The following CILK1 variants were observed in gnomAD, a reference collection of about 807,000 sequenced individuals.
CILK1 encodes ciliogenesis associated kinase 1.
CILK1 carries 47 observed loss-of-function variants against 79.2 expected under a neutral mutation model. The observed-to-expected ratio is 0.59, with a 90% CI of 0.47 to 0.76. CILK1 has a LOEUF of 0.76. CILK1 is among the 30% of genes least tolerant of loss of function. CILK1 has a pLI of 0.00. For missense variants in CILK1, 660 were observed against 769.5 expected, an observed-to-expected ratio of 0.86 and a Z score of 1.68; for synonymous variants, 266 against 275.9, an observed-to-expected ratio of 0.96 and a Z score of 0.36.
intron 12 of CILK1, among the ~76,000 whole-genome samples, chr6:53,008,841 A>C (rs781457138): frequency 4.6e-5 from 7 of 152,188 alleles, no homozygotes; most frequent in Non-Finnish European, 1.0e-4. Flanking sequence ...AAGGCAGTGC[A>C]CTTGGCAGTG....
Position 53,028,423 on chromosome 6 carries a change from T to C in CILK1, c.358+2642A>G, listed in dbSNP as rs939588998. ...TCAAGCATGGCAAACAGGCATAGGC[T>C]ATCTGAACTAATCTCCACTCAACCA... On this transcript the variant is annotated intron_variant, in intron 5 of 13. Coordinates refer to ENST00000676107, the MANE Select transcript of CILK1 (RefSeq NM_014920.5). Among the ~76,000 whole-genome samples the C allele has an allele frequency of 4.6e-5, 7 of 152,354 alleles. No individual in the cohort carries two copies. In the South Asian group the frequency reaches 6.2e-4, roughly 14 times the overall value.
At chr6:53,006,164 G>C (rs1427422034) in intron 13 of CILK1, 151 bp downstream of exon 13, 1 of 668,256 alleles carries the variant, frequency 1.5e-6, no homozygotes, top group Non-Finnish European at 2.6e-6. Flanking sequence ...CTTACTATAT[G>C]TTATATAGCA....
chr6:53,031,089 C>T lies in CILK1; in HGVS notation c.334G>A (p.Gly112Arg). Residue 112 changes from glycine to arginine, a missense_variant, in exon 5 of 14, where the codon GGA becomes AGA. Coordinates refer to ENST00000676107, the MANE Select transcript of CILK1 (RefSeq NM_014920.5). ...IRNIMYQILQ[G>R]LAFIHKHGFF... ...CCGTGTTTGTGAATAAATGCGAGTC[C>T]TTGTAATATCTGATACATGATATTC... 1.2e-6 allele frequency: 2 copies of T among 1,609,436 alleles called. No individual in the cohort carries two copies. Among genetic ancestry groups the T allele is most frequent in the Non-Finnish European group, 1.7e-6 (2 of 1,175,984 alleles).
chr6:53,054,880 C>A (rs1581774415), intron 1 of CILK1, among the ~76,000 whole-genome samples: 1 of 152,334 alleles, frequency 6.6e-6, no homozygotes, highest in African/African-American at 2.4e-5. Flanking sequence ...TCATGGCCAG[C>A]AGCTCACATC....
chr6:53,041,179 G>C lies in CILK1; in HGVS notation c.58C>G (p.Leu20Val). The C allele has an allele frequency of 1.9e-6, 3 of 1,613,910 alleles. No individual in the cohort carries two copies. The highest frequency in any genetic ancestry group is 2.5e-6 in the Non-Finnish European group (3 of 1,179,830). The change falls in exon 2 of 14, where the codon CTG becomes GTG. Residue 20 changes from leucine (L) to valine (V), a missense_variant. By Grantham distance (32) the Leu-to-Val change is conservative. Coordinates refer to ENST00000676107, the MANE Select transcript of CILK1 (RefSeq NM_014920.5). The part of the protein sequence containing the change: ...LGDGTYGSVL[L>V]GRSIESGELI... ...TCCCCAGACTCAATGCTTCTTCCCA[G>C]CAGGACGGAACCGTAGGTTCCATCC...
intron 11 of CILK1, 118 bp from the exon 12 acceptor site, chr6:53,009,685 A>C: frequency 4.5e-6 from 4 of 879,480 alleles, no homozygotes; most frequent in Non-Finnish European, 7.1e-6. Flanking sequence ...TACAATAATC[A>C]AAGCAAAAAC....
At chr6:53,053,869 C>T (rs991100417) in intron 1 of CILK1, among the ~76,000 whole-genome samples, 2 of 152,114 alleles carry the variant, frequency 1.3e-5, no homozygotes, top group Non-Finnish European at 2.9e-5. Context: ...TGCCTCGGGG[C>T]ATCTCTTGGT....
chr6:53,032,074 C>T (rs998080928), intron 4 of CILK1, among the ~76,000 whole-genome samples: 39 of 152,172 alleles, frequency 2.6e-4, no homozygotes, highest in African/African-American at 4.8e-4. Context: ...CTCAGGTGAT[C>T]GCCCGCCTTG....
At chr6:53,058,922 TAA>T (rs796842411) in intron 1 of CILK1, among the ~76,000 whole-genome samples, 1 of 142,088 alleles carries the variant, frequency 7.0e-6, no homozygotes, top group African/African-American at 2.6e-5. Flanking sequence ...AGGAGCAGTA[TAA>T]AAAAAAAAAA....
At position 53,013,920 on chromosome 6, in the gene CILK1, C is replaced by T. The variant is rs1764743555; in HGVS notation, c.894G>A (p.Gln298=). Residue 298 remains glutamine, a synonymous_variant, in exon 9 of 14, where the codon CAG becomes CAA. Transcript: ENST00000676107. Reference sequence around the variant, plus strand: ...TGCCTTTCTGTGGTTTTTCTGAATCCTGAAGGTTTTGTGTGGTGCTGCCTA... The same window carrying T: ...TGCCTTTCTGTGGTTTTTCTGAATCTTGAAGGTTTTGTGTGGTGCTGCCTA... The part of the protein sequence containing the change: ...HPLGSTTQNL[Q]DSEKPQKGIL... 1 of 1,613,908 alleles carries T rather than the reference C, an allele frequency of 6.2e-7. No individual in the cohort carries two copies. The highest frequency in any genetic ancestry group is 1.3e-5 in the African/African-American group (1 of 74,882).
At chr6:53,045,775 T>C (rs186552690) in intron 1 of CILK1, among the ~76,000 whole-genome samples, 81 of 135,300 alleles carry the variant, frequency 6.0e-4, no homozygotes, top group Admixed American at 3.6e-3. Flanking sequence ...CAAACCATCG[T>C]TGTATGTCAT....
In CILK1 at chr6:53,013,801, T is replaced by C. The variant is rs1472462652; in HGVS notation, c.1013A>G (p.His338Arg). The change falls in exon 9 of 14, where the codon CAT (histidine) becomes CGT (arginine). Residue 338 changes from histidine to arginine, a missense_variant. His to Arg is a conservative substitution (Grantham distance 29). Transcript: ENST00000676107. ...ATGCAGAGGGGGCTGGCTGGCTTGA[T>C]GCTGTCGTGAAGAAATTCGTGTGTG... ...KPHTRISSRQHQASQPPLHLT... is the reference protein window; with the variant it reads ...KPHTRISSRQRQASQPPLHLT... 4.3e-6 allele frequency: 7 copies of C among 1,613,984 alleles called. No individual in the cohort carries two copies. The highest frequency in any genetic ancestry group is 5.9e-6 in the Non-Finnish European group (7 of 1,180,022).
At chr6:53,040,453 C>G (rs928362137) in intron 2 of CILK1, among the ~76,000 whole-genome samples, 2 of 152,260 alleles carry the variant, frequency 1.3e-5, no homozygotes, top group Non-Finnish European at 2.9e-5. Context: ...CGGCAGGGAA[C>G]TGAGGCCCTC....
intron 1 of CILK1, chr6:53,051,842 G>A (rs1296894790): frequency 6.6e-6 from 1 of 152,166 alleles, no homozygotes; most frequent in Non-Finnish European, 1.5e-5. Flanking sequence ...ATTCAAAGTT[G>A]GGTGTTTTAG....
In CILK1 at chr6:53,004,822, CAATT is replaced by C; in HGVS notation, c.*323_*326del. On this transcript the variant is annotated 3_prime_UTR_variant, in exon 14 of 14. Transcript: ENST00000676107. Reference sequence around the variant, plus strand: ...ATTATCTGGAACCCCAAAGGAAAATCAATTAATTTTTAAAAAGTTCATTACAAAG... The same window carrying C: ...ATTATCTGGAACCCCAAAGGAAAATCAATTTTTAAAAAGTTCATTACAAAG... 4.4e-6 allele frequency: 1 copy of C among 226,366 alleles called. No homozygotes were observed. The highest frequency in any genetic ancestry group is 7.0e-5 in the South Asian group (1 of 14,334). The allele number at this position is 226,366 out of a possible 1,614,324, so 14.0% of individuals were successfully genotyped here. A position where few individuals can be genotyped will look rare whatever the true frequency, so the allele number is the denominator to read the frequency against.
chr6:53,053,066 C>A (rs1286712428), intron 1 of CILK1, among the ~76,000 whole-genome samples: 3 of 134,234 alleles, frequency 2.2e-5, no homozygotes, highest in African/African-American at 5.4e-5. Flanking sequence ...AAAAAAAAAA[C>A]CTTATACTTA....
chr6:53,010,822 A>G (rs1005984081), intron 11 of CILK1, among the ~76,000 whole-genome samples: 2 of 152,104 alleles, frequency 1.3e-5, no homozygotes, highest in African/African-American at 4.8e-5. Context: ...CTCTCCCACC[A>G]CTAGCAGATA....
chr6:53,004,075 A>C lies in CILK1; in HGVS notation c.*1074T>G, dbSNP rs976697919. ...CCAGGGTTAGGAGATCAAATGTGGC[A>C]TGTGACTGTGACTTTGTAGATGAGT... On this transcript the variant is annotated 3_prime_UTR_variant, in exon 14 of 14. Coordinates refer to ENST00000676107, the MANE Select transcript of CILK1 (RefSeq NM_014920.5). 3 of 152,706 alleles carry C rather than the reference A, an allele frequency of 2.0e-5. No individual in the cohort carries two copies. The highest frequency in any genetic ancestry group is 7.2e-5 in the African/African-American group (3 of 41,476). 9.5% of individuals were successfully genotyped at this position (152,706 alleles called of 1,614,324 possible).
At chr6:53,045,667 A>G (rs1767019483) in intron 1 of CILK1, among the ~76,000 whole-genome samples, 1 of 152,066 alleles carries the variant, frequency 6.6e-6, no homozygotes, top group South Asian at 2.1e-4. Context: ...TTAACTTACA[A>G]TGGGTTTATA....
Sources: gnomAD v4.1 joint callset for allele counts (sites outside exome capture counted in the v4.1 genomes callset) on GRCh38, gnomAD v4.1.1 for gene constraint, MANE v1.5 for transcripts, NCBI Gene and HGNC (gene_info 2026-07-23, HGNC 2026-07-21) for gene names.